HSPA4L: variants seen among roughly 807,000 people sequenced by gnomAD.
HSPA4L encodes heat shock 70 kDa protein 4L.
A neutral mutation model predicts 100.3 loss-of-function variants in HSPA4L; 48 were observed. The ratio of observed to expected loss-of-function variants is 0.48; its 90% CI spans 0.38 to 0.61. HSPA4L has a LOEUF of 0.61. HSPA4L is among the 20% of genes least tolerant of loss of function. The probability of loss-of-function intolerance (pLI) is 0.00; values close to 1 mark genes in which losing one functional copy is unlikely to be tolerated. For missense variants in HSPA4L, 886 were observed against 988.6 expected, an observed-to-expected ratio of 0.90 and a Z score of 1.39; for synonymous variants, 319 against 328.2, an observed-to-expected ratio of 0.97 and a Z score of 0.30.
chr4:127,794,054 A>G (rs1277572610), intron 1 of HSPA4L, 23 bp from the exon 2 acceptor site: 1 of 1,565,362 alleles, frequency 6.4e-7, no homozygotes, highest in Non-Finnish European at 8.7e-7. Flanking sequence ...CCATGGAACA[A>G]ACTTTTTGTT....
chr4:127,820,611 G>A (rs753662058), intron 14 of HSPA4L, 46 bp downstream of exon 14: 1 of 1,566,220 alleles, frequency 6.4e-7, no homozygotes, highest in Non-Finnish European at 8.6e-7. Context: ...AGTTTATTCT[G>A]AAATTTTGTA....
At chr4:127,783,453 T>G in intron 1 of HSPA4L, 1 of 1,371,540 alleles carries the variant, frequency 7.3e-7, no homozygotes, top group Non-Finnish European at 9.5e-7. Flanking sequence ...GACTGTGGAG[T>G]GATTCTATTA....
At chr4:127,806,470 A>G (rs1256831522) in intron 10 of HSPA4L, among the ~76,000 whole-genome samples, 1 of 152,022 alleles carries the variant, frequency 6.6e-6, no homozygotes, top group South Asian at 2.1e-4. Flanking sequence ...ATTATTCACT[A>G]AAAGGATACT....
chr4:127,795,839 T>C lies in HSPA4L; in HGVS notation c.237T>C (p.Ile79=). The change falls in exon 3 of 19, where the codon ATT becomes ATC. Residue 79 remains isoleucine (I), a synonymous_variant. Transcript: ENST00000296464. ...ATGGGCGATCATTTGATGATCCCAT[T>C]GTGCAAACTGAAAGGATCAGGCTTC... ...KLHGRSFDDP[I]VQTERIRLPY... 1.2e-6 allele frequency: 2 copies of C among 1,613,758 alleles called. No homozygotes were observed. Among genetic ancestry groups the C allele is most frequent in the Non-Finnish European group, 1.7e-6 (2 of 1,179,700 alleles).
intron 1 of HSPA4L, among the ~76,000 whole-genome samples, chr4:127,791,169 A>G (rs988130930): frequency 2.0e-5 from 3 of 152,170 alleles, no homozygotes; most frequent in African/African-American, 7.2e-5. Flanking sequence ...AATATATTTT[A>G]TTTAATTCAG....
chr4:127,798,710 G>T lies in HSPA4L; in HGVS notation c.429+1G>T, dbSNP rs564742255. The T allele has an allele frequency of 6.2e-7, 1 of 1,613,224 alleles. No homozygotes were observed. The highest frequency in any genetic ancestry group is 1.3e-5 in the African/African-American group (1 of 75,028). On this transcript the variant is annotated splice_donor_variant, in intron 4 of 18. Transcript: ENST00000296464. LOFTEE classifies it high-confidence loss of function. Reference sequence around the variant, plus strand: ...ACCAGTGGCTGACTGTGTGATTTCAGTAAGTTTTACTTCAGTAATGAATAC... The same window carrying T: ...ACCAGTGGCTGACTGTGTGATTTCATTAAGTTTTACTTCAGTAATGAATAC...
intron 1 of HSPA4L, among the ~76,000 whole-genome samples, chr4:127,789,048 G>C (rs78824046): frequency 6.6e-6 from 1 of 152,126 alleles, no homozygotes. Context: ...AACAAACTTA[G>C]TACTGAGCTT....
In HSPA4L at chr4:127,833,110, T is replaced by C. The variant is rs1734128599; in HGVS notation, c.*236T>C. The stretch of plus-strand genomic sequence containing the variant: ...AGACAATCTAAGCTTTCCGGATAAT[T>C]TTATATATCAAACATACAGGATGGA... On this transcript the variant is annotated 3_prime_UTR_variant, in exon 19 of 19. Coordinates refer to ENST00000296464, the MANE Select transcript of HSPA4L (RefSeq NM_014278.4). The C allele has an allele frequency of 5.7e-6, 2 of 352,508 alleles. No homozygotes were observed. The highest frequency in any genetic ancestry group is 1.0e-5 in the Non-Finnish European group (2 of 197,466). 21.8% of individuals were successfully genotyped at this position (352,508 alleles called of 1,614,324 possible).
intron 18 of HSPA4L, among the ~76,000 whole-genome samples, chr4:127,831,361 C>T (rs568569406): frequency 1.3e-3 from 202 of 151,728 alleles, no homozygotes; most frequent in Non-Finnish European, 2.5e-3. Context: ...ATTAGCTGGG[C>T]GTGGTAGTGC....
At chr4:127,800,660 C>T (rs558967038) in intron 4 of HSPA4L, among the ~76,000 whole-genome samples, 28 of 152,108 alleles carry the variant, frequency 1.8e-4, no homozygotes, top group African/African-American at 4.6e-4. Flanking sequence ...GGTGTATATA[C>T]GCACGATAAT....
chr4:127,830,696 G>A lies in HSPA4L; in HGVS notation c.2225G>A (p.Ser742Asn). The part of the protein sequence containing the change: ...TEMEKVEKCI[S>N]DAMSWLNSKM... ...ATGGAAAAGGTTGAAAAATGTATCA[G>A]TGATGCCATGAGTTGGCTGAATAGT... Residue 742 changes from serine (S) to asparagine (N), a missense_variant, in exon 18 of 19, where the codon AGT becomes AAT. Ser to Asn is a conservative substitution (Grantham distance 46). Transcript: ENST00000296464. 6.2e-7 allele frequency: 1 copy of A among 1,609,870 alleles called. No homozygotes were observed.
At chr4:127,798,764 T>G (rs187907270) in intron 4 of HSPA4L, 55 bp downstream of exon 4, 1 of 1,516,840 alleles carries the variant, frequency 6.6e-7, no homozygotes, top group African/African-American at 1.4e-5. Context: ...AGTGTATTAA[T>G]GTAATATTGA....
intron 13 of HSPA4L, among the ~76,000 whole-genome samples, chr4:127,819,288 C>T (rs1173876472): frequency 6.6e-6 from 1 of 152,070 alleles, no homozygotes; most frequent in African/African-American, 2.4e-5. Flanking sequence ...CCCAGTCACC[C>T]AGATGAATGT....
chr4:127,823,727 TGA>T, intron 16 of HSPA4L, 103 bp downstream of exon 16: 1 of 653,792 alleles, frequency 1.5e-6, no homozygotes, highest in Non-Finnish European at 2.6e-6. Flanking sequence ...ATTTTTTAAT[TGA>T]GAGGAAAATT....
Position 127,794,145 on chromosome 4 carries a change from A to C in HSPA4L, c.165+11A>C, listed in dbSNP as rs780565881. On this transcript the variant is annotated intron_variant, in intron 2 of 18. Transcript: ENST00000296464. ...GCAGCAAAGAGCCAGGTAAATTGTT[A>C]ATGTGGATGTTTTGACTTACAGGAA... 2 of 1,605,970 alleles carry C rather than the reference A, an allele frequency of 1.2e-6. No individual in the cohort carries two copies. The highest frequency in any genetic ancestry group is 1.7e-6 in the Non-Finnish European group (2 of 1,173,792).
chr4:127,809,369 G>A, intron 11 of HSPA4L: 1 of 1,187,122 alleles, frequency 8.4e-7, no homozygotes, highest in East Asian at 2.3e-5. Context: ...CCCAGCAGAA[G>A]GCAGCTTTGC....
intron 12 of HSPA4L, chr4:127,813,493 TTAACA>T: frequency 4.0e-6 from 1 of 247,156 alleles, no homozygotes; most frequent in South Asian, 9.1e-5. Flanking sequence ...TTTTCATAAA[TTAACA>T]TAATAATTGG....
chr4:127,820,344 G>A (rs542811003), intron 13 of HSPA4L, 84 bp from the exon 14 acceptor site: 10 of 1,143,658 alleles, frequency 8.7e-6, no homozygotes, highest in South Asian at 1.7e-5. Flanking sequence ...GATCATAATC[G>A]TTTTGATTTT....
At chr4:127,826,618 C>T (rs1237958344) in intron 16 of HSPA4L, among the ~76,000 whole-genome samples, 2 of 152,098 alleles carry the variant, frequency 1.3e-5, no homozygotes, top group East Asian at 1.9e-4. Flanking sequence ...CATAGAGAAG[C>T]GTCTGGTGCT....
Sources: gnomAD v4.1 joint callset for allele counts (sites outside exome capture counted in the v4.1 genomes callset) on GRCh38, gnomAD v4.1.1 for gene constraint, MANE v1.5 for transcripts, NCBI Gene and HGNC (gene_info 2026-07-23, HGNC 2026-07-21) for gene names.